ADAMTSL3: variants seen among roughly 807,000 people sequenced by gnomAD.
ADAMTSL3 encodes the protein ADAMTS like 3.
Under a neutral mutation model 201.7 loss-of-function variants are expected in ADAMTSL3, and 128 were observed. The ratio of observed to expected loss-of-function variants is 0.63; its 90% CI spans 0.55 to 0.73. ADAMTSL3 has a LOEUF of 0.73. Ranked by LOEUF, ADAMTSL3 falls within the 30% of genes least tolerant of loss-of-function variation. The pLI is 0.00. For missense variants in ADAMTSL3, 1,990 were observed against 2,119.6 expected (o/e 0.94, Z 1.20); for synonymous variants, 738 against 748.4 (o/e 0.99, Z 0.23).
At chr15:83,969,046 T>C (rs2067143413) in intron 19 of ADAMTSL3, among the ~76,000 whole-genome samples, 1 of 152,100 alleles carries the variant, frequency 6.6e-6, no homozygotes, top group African/African-American at 2.4e-5. Context: ...AAGAAATACC[T>C]AATGTAGATG....
intron 4 of ADAMTSL3, among the ~76,000 whole-genome samples, chr15:83,782,190 A>T (rs1368355454): frequency 2.0e-5 from 3 of 152,196 alleles, no homozygotes; most frequent in Non-Finnish European, 2.9e-5. Flanking sequence ...TCACTTAAAG[A>T]CTGGGGTCAG....
chr15:84,038,063 T>C lies in ADAMTSL3; in HGVS notation c.*257T>C, dbSNP rs2068542932. 4.6e-6 allele frequency: 2 copies of C among 435,696 alleles called. No homozygotes were observed. The highest frequency in any genetic ancestry group is 8.0e-6 in the Non-Finnish European group (2 of 250,900). 27.0% of individuals were successfully genotyped at this position (435,696 alleles called of 1,614,324 possible). A position where few individuals can be genotyped will look rare whatever the true frequency, so the allele number is the denominator to read the frequency against. The stretch of plus-strand genomic sequence containing the variant: ...CATGCATGCCACTGCACTTGGGACC[T>C]CATCATGTCAGTTGAATCGAGAAAT... On this transcript the variant is annotated 3_prime_UTR_variant, in exon 30 of 30. Transcript: ENST00000286744.
rs145730791 is a variant in ADAMTSL3 at position 83,783,434 on chromosome 15, A to G, written c.317+9784A>G. Among the ~76,000 whole-genome samples the G allele has an allele frequency of 1.1e-4, 17 of 152,286 alleles. No homozygotes were observed. The East Asian group carries it at 3.1e-3, about 28-fold the overall frequency. ...TATATTTTACATTAGATGTAAATGG[A>G]CTAATTACTTTGGTTAAAAGACAAA... On this transcript the variant is annotated intron_variant, in intron 4 of 29. Coordinates refer to ENST00000286744, the MANE Select transcript of ADAMTSL3 (RefSeq NM_207517.3).
intron 3 of ADAMTSL3, among the ~76,000 whole-genome samples, chr15:83,761,324 C>T (rs1457923356): frequency 6.6e-6 from 1 of 152,106 alleles, no homozygotes; most frequent in African/African-American, 2.4e-5. Context: ...TTTAAAACTC[C>T]ACAATCCATT....
intron 9 of ADAMTSL3, among the ~76,000 whole-genome samples, chr15:83,884,219 A>G (rs1329803975): frequency 2.0e-5 from 3 of 151,940 alleles, no homozygotes; most frequent in African/African-American, 7.3e-5. Context: ...AGCATTTTTA[A>G]TTGACAAAAA....
At chr15:83,936,486 G>T (rs575784886) in intron 17 of ADAMTSL3, among the ~76,000 whole-genome samples, 2 of 150,942 alleles carry the variant, frequency 1.3e-5, no homozygotes, top group South Asian at 4.2e-4. Context: ...CTTTCATCTT[G>T]ATCAATAAAA....
intron 19 of ADAMTSL3, chr15:83,962,695 G>A (rs2066995972): frequency 6.6e-6 from 1 of 152,152 alleles, no homozygotes; most frequent in African/African-American, 2.4e-5. Flanking sequence ...TTGGTAATGA[G>A]TATCATAAAA....
chr15:83,929,737 C>G (rs1161298595), intron 17 of ADAMTSL3, among the ~76,000 whole-genome samples: 2 of 150,800 alleles, frequency 1.3e-5, no homozygotes, highest in East Asian at 1.9e-4. Flanking sequence ...CAGAGACAGA[C>G]ACACACACAC....
chr15:83,928,996 T>C (rs2066298705), intron 17 of ADAMTSL3, among the ~76,000 whole-genome samples: 3 of 152,198 alleles, frequency 2.0e-5, no homozygotes, highest in Non-Finnish European at 4.4e-5. Flanking sequence ...TTAATTCAGA[T>C]ATGTTTTACC....
chr15:83,827,422 G>A (rs892562917), intron 6 of ADAMTSL3, among the ~76,000 whole-genome samples: 16 of 152,180 alleles, frequency 1.1e-4, no homozygotes, highest in African/African-American at 3.6e-4. Context: ...CCCTTTGTCA[G>A]ACGAGTAGAT....
At chr15:83,695,200 A>ATTTTTT (rs2061665993) in intron 2 of ADAMTSL3, among the ~76,000 whole-genome samples, 1 of 1,132 alleles carries the variant, frequency 8.8e-4, no homozygotes, top group African/African-American at 3.2e-3. Context: ...TGTGCATGAT[A>ATTTTTT]CGTTTGTGGT....
chr15:83,942,072 G>A (rs1005196326), intron 17 of ADAMTSL3, among the ~76,000 whole-genome samples: 23 of 152,090 alleles, frequency 1.5e-4, no homozygotes, highest in Non-Finnish European at 3.1e-4. Flanking sequence ...CATTTTTACA[G>A]ATGTTTTATG....
intron 2 of ADAMTSL3, among the ~76,000 whole-genome samples, chr15:83,682,162 A>C (rs1307659774): frequency 6.6e-6 from 1 of 152,164 alleles, no homozygotes; most frequent in Non-Finnish European, 1.5e-5. Context: ...TGTATGTAGC[A>C]GGCTTCTCTG....
chr15:83,937,031 A>G (rs1247624814), intron 17 of ADAMTSL3, among the ~76,000 whole-genome samples: 1 of 150,972 alleles, frequency 6.6e-6, no homozygotes, highest in Non-Finnish European at 1.5e-5. Flanking sequence ...GTGAGGTTGC[A>G]GAGAAAAGAG....
chr15:83,896,042 C>T (rs987496254), intron 13 of ADAMTSL3, among the ~76,000 whole-genome samples: 29 of 152,186 alleles, frequency 1.9e-4, no homozygotes, highest in African/African-American at 6.5e-4. Flanking sequence ...AATTTTCAAG[C>T]TCCTTAAAGC....
chr15:83,748,882 TTTGGGGGCTGGGAGTG>T (rs1441273195), intron 3 of ADAMTSL3, among the ~76,000 whole-genome samples: 1 of 151,884 alleles, frequency 6.6e-6, no homozygotes, highest in African/African-American at 2.4e-5. Context: ...GGAGCCGGTA[TTTGGGGGCTGGGAGTG>T]TTGCATGCTG....
At chr15:83,897,165 G>A (rs1307216336) in intron 13 of ADAMTSL3, among the ~76,000 whole-genome samples, 1 of 152,014 alleles carries the variant, frequency 6.6e-6, no homozygotes, top group Admixed American at 6.6e-5. Flanking sequence ...TATATGACAT[G>A]AAAACATTCC....
Position 83,838,093 on chromosome 15 carries a change from T to TG in ADAMTSL3, c.608dup (p.Cys204LeufsTer38), listed in dbSNP as rs750255417. On this transcript the variant is annotated frameshift_variant, in exon 7 of 30. Coordinates refer to ENST00000286744, the MANE Select transcript of ADAMTSL3 (RefSeq NM_207517.3). LOFTEE classifies it high-confidence loss of function. The stretch of plus-strand genomic sequence containing the variant: ...CTGCCATGCTTCTGTTGGCAGGCAG[T>TG]GGGCTGCGATCGGCAACTGGGAAGC... 1 of 1,607,978 alleles carries TG rather than the reference T, an allele frequency of 6.2e-7. No homozygotes were observed. Among genetic ancestry groups the TG allele is most frequent in the Non-Finnish European group, 8.5e-7 (1 of 1,177,764 alleles).
chr15:83,762,731 G>A (rs894433671), intron 3 of ADAMTSL3, among the ~76,000 whole-genome samples: 4 of 152,010 alleles, frequency 2.6e-5, no homozygotes, highest in Middle Eastern at 3.4e-3. Context: ...AAATTTCCAG[G>A]GACACATTCA....
Sources: gnomAD v4.1 joint callset for allele counts (sites outside exome capture counted in the v4.1 genomes callset) on GRCh38, gnomAD v4.1.1 for gene constraint, MANE v1.5 for transcripts, NCBI Gene and HGNC (gene_info 2026-07-23, HGNC 2026-07-21) for gene names.